CSF1: variants seen among roughly 807,000 people sequenced by gnomAD.
CSF1 encodes colony stimulating factor 1, also known as macrophage colony-stimulating factor 1.
In CSF1, 9 loss-of-function variants were observed where a neutral mutation model predicts 48.9. The observed-to-expected ratio is 0.18, with a 90% CI of 0.11 to 0.32. The LOEUF (loss-of-function observed/expected upper bound fraction) is 0.32. Ranked by LOEUF, CSF1 falls within the 10% of genes least tolerant of loss-of-function variation. CSF1 has a pLI of 1.00. For synonymous variants in CSF1, 305 were observed against 284.1 expected (o/e 1.07, Z -0.74); for missense variants, 672 against 697.9 (o/e 0.96, Z 0.42).
At chr1:109,927,401 G>A (rs2101659265) in intron 8 of CSF1, among the ~76,000 whole-genome samples, 2 of 152,314 alleles carry the variant, frequency 1.3e-5, no homozygotes, top group South Asian at 4.1e-4. Flanking sequence ...ATGGGTGAGT[G>A]GGTCAGCTGG....
chr1:109,925,698 G>A (rs1647817042), intron 8 of CSF1, among the ~76,000 whole-genome samples: 1 of 152,070 alleles, frequency 6.6e-6, no homozygotes, highest in African/African-American at 2.4e-5. Flanking sequence ...TTAGGATCAT[G>A]TTGACATAGA....
intron 1 of CSF1, among the ~76,000 whole-genome samples, chr1:109,912,748 G>A (rs939708896): frequency 3.9e-5 from 6 of 152,110 alleles, no homozygotes; most frequent in African/African-American, 9.7e-5. Flanking sequence ...TAGATACACC[G>A]TCTAGTGGCC....
chr1:109,912,572 T>G (rs1045588624), intron 1 of CSF1, among the ~76,000 whole-genome samples: 2 of 152,166 alleles, frequency 1.3e-5, no homozygotes, highest in African/African-American at 4.8e-5. Context: ...TCTCATGTAG[T>G]GGCTGCACTT....
chr1:109,915,753 G>A, intron 3 of CSF1, 57 bp downstream of exon 3: 1 of 1,382,768 alleles, frequency 7.2e-7, no homozygotes, highest in Non-Finnish European at 1.0e-6. Context: ...CTCCCAGGGT[G>A]GGGTGTGTGG....
intron 1 of CSF1, among the ~76,000 whole-genome samples, chr1:109,911,780 T>C (rs564117490): frequency 2.3e-4 from 35 of 152,214 alleles, no homozygotes; most frequent in Admixed American, 6.5e-4. Context: ...TGGTTTATGG[T>C]GGTTTGCAGT....
chr1:109,921,694 A>G (rs985270846), intron 4 of CSF1, among the ~76,000 whole-genome samples, 153 bp from the exon 5 acceptor site: 2 of 152,162 alleles, frequency 1.3e-5, no homozygotes, highest in African/African-American at 4.8e-5. Context: ...TAACCTCAGG[A>G]CTCATTCTGC....
chr1:109,926,224 T>C (rs1191394252), intron 8 of CSF1: 3 of 152,206 alleles, frequency 2.0e-5, no homozygotes, highest in Non-Finnish European at 4.4e-5. Flanking sequence ...TTTGTGCAGA[T>C]TAAGATTGCA....
intron 4 of CSF1, among the ~76,000 whole-genome samples, chr1:109,920,043 A>T (rs115576123): frequency 0.011 from 1,746 of 152,044 alleles, 26 homozygotes; most frequent in African/African-American, 0.04. Flanking sequence ...CCCCTTGGAT[A>T]TTCACTTGTA....
chr1:109,917,530 C>T, intron 4 of CSF1, 67 bp downstream of exon 4: 1 of 1,491,280 alleles, frequency 6.7e-7, no homozygotes, highest in Non-Finnish European at 9.2e-7. Context: ...GCCGCTCTAT[C>T]CACAGGCACA....
chr1:109,915,505 C>T (rs750831026), intron 2 of CSF1, 129 bp from the exon 3 acceptor site: 28 of 734,708 alleles, frequency 3.8e-5, no homozygotes, highest in Non-Finnish European at 6.4e-5. Flanking sequence ...TGTCTTTCCA[C>T]GTGTGGTTGG....
rs764578145 is a variant in CSF1 at position 109,917,304 on chromosome 1, G to A, written c.237G>A (p.Val79=). ...FVDQEQLKDP[V]CYLKKAFLLV... is the part of the protein sequence containing the mutation. ...TTCCTGTTTTTCAGAAAGATCCAGT[G>A]TGCTACCTTAAGAAGGCATTTCTCC... The change falls in exon 4 of 9, where the codon GTG becomes GTA. Residue 79 remains valine (V), a synonymous_variant. Transcript: ENST00000329608. The A allele has an allele frequency of 1.2e-6, 2 of 1,614,094 alleles. No homozygotes were observed. The highest frequency in any genetic ancestry group is 2.2e-5 in the East Asian group (1 of 44,870).
chr1:109,910,540 G>A, upstream of CSF1: 1 of 349,944 alleles, frequency 2.9e-6, no homozygotes, highest in Middle Eastern at 4.8e-4. Context: ...GAAAGGGTCG[G>A]TCCGCAGAGG....
At chr1:109,927,231 G>T (rs567055596) in intron 8 of CSF1, among the ~76,000 whole-genome samples, 1 of 152,238 alleles carries the variant, frequency 6.6e-6, no homozygotes, top group Non-Finnish European at 1.5e-5. Context: ...AGCCAGTGCC[G>T]CAGGGCTCTC....
In CSF1 at chr1:109,914,302, G is replaced by T; in HGVS notation, c.83G>T (p.Ser28Ile). The T allele has an allele frequency of 6.2e-7, 1 of 1,608,090 alleles. No homozygotes were observed. ...CTGTTGTTGGTCTGTCTCCTGGCGA[G>T]CAGGAGTATCACCGAGGAGGTGTCG... ...SLLLLVCLLA[S>I]RSITEEVSEY... is the part of the protein sequence containing the mutation. The change falls in exon 2 of 9, where the codon AGC (serine) becomes ATC (isoleucine). Residue 28 changes from serine to isoleucine, a missense_variant. By Grantham distance (142) the Ser-to-Ile change is moderately radical. Around this residue, in one of 3 missense-constraint regions of CSF1, gnomAD observed 53 missense variants for 45.5 expected, o/e 1.17. Coordinates refer to ENST00000329608, the MANE Select transcript of CSF1 (RefSeq NM_000757.6).
intron 3 of CSF1, among the ~76,000 whole-genome samples, chr1:109,915,914 A>G (rs554524423): frequency 9.8e-5 from 15 of 152,302 alleles, no homozygotes; most frequent in African/African-American, 3.6e-4. Flanking sequence ...CTCACTAGGT[A>G]CCAAGCACTT....
At chr1:109,920,587 G>A (rs1320717646) in intron 4 of CSF1, among the ~76,000 whole-genome samples, 1 of 152,164 alleles carries the variant, frequency 6.6e-6, no homozygotes, top group African/African-American at 2.4e-5. Context: ...AACATGCTGG[G>A]ATTACAGGTG....
chr1:109,927,627 G>C (rs889203409), intron 8 of CSF1, among the ~76,000 whole-genome samples: 93 of 152,150 alleles, frequency 6.1e-4, no homozygotes, highest in African/African-American at 2.2e-3. Context: ...GATTTCACTT[G>C]GAGAGGGAAT....
intron 8 of CSF1, 21 bp downstream of exon 8, chr1:109,925,223 T>C (rs1246617431): frequency 6.2e-7 from 1 of 1,608,044 alleles, no homozygotes; most frequent in Non-Finnish European, 8.5e-7. Context: ...GACTTTGATC[T>C]CCACTCCTAA....
chr1:109,923,448 G>C lies in CSF1; in HGVS notation c.827G>C (p.Gly276Ala), dbSNP rs762654931. 1 of 1,614,110 alleles carries C rather than the reference G, an allele frequency of 6.2e-7. No individual in the cohort carries two copies. Among genetic ancestry groups the C allele is most frequent in the Non-Finnish European group, 8.5e-7 (1 of 1,180,018 alleles). The change falls in exon 6 of 9, where the codon GGC becomes GCC. Residue 276 changes from glycine (G) to alanine (A), a missense_variant. Physicochemically the swap from Gly to Ala is moderately conservative, Grantham distance 60. Transcript: ENST00000329608. Reference protein sequence around the residue: ...TPVVKDSTIGGSPQPRPSVGA... With the variant: ...TPVVKDSTIGASPQPRPSVGA... Reference sequence around the variant, plus strand: ...GTTGTCAAGGACAGCACCATCGGTGGCTCACCACAGCCTCGCCCCTCTGTC... The same window carrying C: ...GTTGTCAAGGACAGCACCATCGGTGCCTCACCACAGCCTCGCCCCTCTGTC...
Sources: gnomAD v4.1 joint callset for allele counts (sites outside exome capture counted in the v4.1 genomes callset) on GRCh38, gnomAD v4.1.1 for gene constraint, gnomAD v4.1.1 regional missense constraint, MANE v1.5 for transcripts, NCBI Gene and HGNC (gene_info 2026-07-23, HGNC 2026-07-21) for gene names.